The following NCALD variants were observed in gnomAD, a reference collection of about 807,000 sequenced individuals.
The protein encoded by NCALD is neurocalcin-delta.
Under a neutral mutation model 18.6 loss-of-function variants are expected in NCALD, and 10 were observed. The observed-to-expected ratio is 0.54, with a 90% CI of 0.33 to 0.91. NCALD has a LOEUF of 0.91. NCALD is among the 40% of genes least tolerant of loss of function. NCALD has a pLI of 0.03. For synonymous variants in NCALD, 88 were observed against 87.4 expected (o/e 1.01, Z -0.04); for missense variants, 184 against 247.6 (o/e 0.74, Z 1.72).
intron 2 of NCALD, among the ~76,000 whole-genome samples, chr8:101,704,883 C>T (rs528888744): frequency 1.3e-5 from 2 of 149,938 alleles, no homozygotes; most frequent in South Asian, 4.3e-4. Context: ...CGCGCCATTG[C>T]TTTCCAGCCT....
At chr8:101,945,353 G>A (rs868688239) in intron 2 of NCALD, among the ~76,000 whole-genome samples, 24 of 152,052 alleles carry the variant, frequency 1.6e-4, no homozygotes, top group African/African-American at 5.8e-4. Context: ...GGGACGAGGA[G>A]AGGAAGGGGC....
intron 1 of NCALD, among the ~76,000 whole-genome samples, chr8:102,030,102 G>C (rs887784360): frequency 2.6e-5 from 4 of 152,212 alleles, no homozygotes; most frequent in Non-Finnish European, 5.9e-5. Flanking sequence ...ATTTCCAGAG[G>C]AGAATGGTTC....
At chr8:101,835,443 C>T (rs1372528000) in intron 4 of NCALD, among the ~76,000 whole-genome samples, 3 of 152,192 alleles carry the variant, frequency 2.0e-5, no homozygotes, top group Non-Finnish European at 4.4e-5. Context: ...GGGCAGAAGC[C>T]AGGGATGTTG....
chr8:102,045,937 T>C (rs898818955), intron 1 of NCALD, among the ~76,000 whole-genome samples: 3 of 152,220 alleles, frequency 2.0e-5, no homozygotes, highest in African/African-American at 7.2e-5. Flanking sequence ...GAGCCTATAA[T>C]GTGGCAATCA....
intron 2 of NCALD, among the ~76,000 whole-genome samples, chr8:101,958,886 C>T (rs1819735041): frequency 6.6e-6 from 1 of 152,108 alleles, no homozygotes; most frequent in African/African-American, 2.4e-5. Context: ...TCCAAATATA[C>T]AGAAAAGTTG....
At chr8:101,810,790 C>T (rs1223333423) in intron 4 of NCALD, among the ~76,000 whole-genome samples, 15 of 151,968 alleles carry the variant, frequency 9.9e-5, no homozygotes, top group Non-Finnish European at 2.1e-4. Context: ...AATGCAAAAG[C>T]TTTTCTATCA....
intron 1 of NCALD, chr8:101,779,862 C>A (rs1160479809): frequency 6.6e-6 from 1 of 152,070 alleles, no homozygotes; most frequent in Non-Finnish European, 1.5e-5. Flanking sequence ...AATCCTCAAT[C>A]TCTTAAAGTT....
At chr8:101,977,638 G>C (rs1004967803) in intron 2 of NCALD, among the ~76,000 whole-genome samples, 1 of 152,250 alleles carries the variant, frequency 6.6e-6, no homozygotes, top group East Asian at 1.9e-4. Context: ...AACACTCAAG[G>C]ACAACTCCAC....
intron 1 of NCALD, among the ~76,000 whole-genome samples, chr8:102,048,902 T>C (rs1823336967): frequency 6.6e-6 from 1 of 152,200 alleles, no homozygotes; most frequent in African/African-American, 2.4e-5. Context: ...AACTTTTCCT[T>C]ACTACTTTCC....
intron 2 of NCALD, among the ~76,000 whole-genome samples, chr8:101,988,052 G>A (rs931728914): frequency 2.0e-4 from 30 of 151,710 alleles, no homozygotes; most frequent in East Asian, 1.4e-3. Context: ...CTACTCGGGA[G>A]GCTGAGGCAG....
intron 1 of NCALD, among the ~76,000 whole-genome samples, chr8:102,067,803 T>C (rs1275900826): frequency 6.6e-6 from 1 of 152,160 alleles, no homozygotes; most frequent in African/African-American, 2.4e-5. Flanking sequence ...AATAAAGAAC[T>C]AAACTGAATC....
chr8:101,744,206 C>T (rs545065996), intron 1 of NCALD, among the ~76,000 whole-genome samples: 9 of 152,334 alleles, frequency 5.9e-5, no homozygotes, highest in Admixed American at 5.2e-4. Context: ...CCAGCCCCCT[C>T]AGTCCCCTGG....
chr8:101,946,370 G>A (rs1819172388), intron 2 of NCALD, among the ~76,000 whole-genome samples: 1 of 152,146 alleles, frequency 6.6e-6, no homozygotes, highest in African/African-American at 2.4e-5. Flanking sequence ...AGACAGGCAA[G>A]TAAGAAACCA....
rs56704470 is a variant in NCALD, at chr8:102,054,713, G to T, written c.-209-34424C>A. Among the ~76,000 whole-genome samples, 7 of 106,542 alleles carry T rather than the reference G, an allele frequency of 6.6e-5. No individual in the cohort carries two copies. The East Asian group carries it at 9.4e-4, about 14-fold the overall frequency. The allele number at this position is 106,542 out of a possible 152,430, so 69.9% of individuals were successfully genotyped here. A position where few individuals can be genotyped will look rare whatever the true frequency, so the allele number is the denominator to read the frequency against. Reference sequence around the variant, plus strand: ...AGATAGATAGATAGATAGATAGATAGATAGATATCCTATAGATAGATAGAT... The same window carrying T: ...AGATAGATAGATAGATAGATAGATATATAGATATCCTATAGATAGATAGAT... On this transcript the variant is annotated intron_variant, in intron 1 of 6. Transcript: ENST00000311028.
intron 4 of NCALD, among the ~76,000 whole-genome samples, chr8:101,872,821 A>T (rs1157126203): frequency 6.6e-6 from 1 of 152,186 alleles, no homozygotes; most frequent in African/African-American, 2.4e-5. Context: ...ACCTGTTTAG[A>T]GCATGATCCC....
chr8:101,884,802 A>C (rs1342432601), intron 4 of NCALD, among the ~76,000 whole-genome samples: 2 of 152,130 alleles, frequency 1.3e-5, no homozygotes, highest in African/African-American at 2.4e-5. Context: ...TCGACTGATC[A>C]GTATTTGTCT....
chr8:102,025,381 G>A (rs1456586852), intron 1 of NCALD, among the ~76,000 whole-genome samples: 1 of 151,910 alleles, frequency 6.6e-6, no homozygotes, highest in East Asian at 1.9e-4. Context: ...ATTTAATATT[G>A]AGGTTATGAC....
At chr8:102,049,749 T>C (rs543525507) in intron 1 of NCALD, among the ~76,000 whole-genome samples, 2 of 152,346 alleles carry the variant, frequency 1.3e-5, no homozygotes, top group South Asian at 2.1e-4. Flanking sequence ...TGGTATCTCA[T>C]TGCTGTTTTA....
intron 2 of NCALD, among the ~76,000 whole-genome samples, chr8:102,001,399 A>T (rs1030465426): frequency 6.6e-6 from 1 of 152,242 alleles, no homozygotes; most frequent in Admixed American, 6.5e-5. Context: ...TCTACGTCTG[A>T]TTGGTGTACC....
Sources: gnomAD v4.1 joint callset for allele counts (sites outside exome capture counted in the v4.1 genomes callset) on GRCh38, gnomAD v4.1.1 for gene constraint, MANE v1.5 for transcripts, NCBI Gene and HGNC (gene_info 2026-07-23, HGNC 2026-07-21) for gene names.